The following TMEM45A variants were observed in gnomAD, a reference collection of about 807,000 sequenced individuals.
TMEM45A encodes the protein transmembrane protein 45A, also known as DNA polymerase-transactivated protein 4.
TMEM45A carries 25 observed loss-of-function variants against 32.0 expected under a neutral mutation model. The ratio of observed to expected loss-of-function variants is 0.78; its 90% confidence interval spans 0.57 to 1.09. The LOEUF (loss-of-function observed/expected upper bound fraction) is 1.09. Ranked by LOEUF, TMEM45A falls within the 50% of genes least tolerant of loss-of-function variation. The probability of loss-of-function intolerance (pLI) is 0.00; values close to 1 mark genes in which losing one functional copy is unlikely to be tolerated. For synonymous variants in TMEM45A, 122 were observed against 114.8 expected, an observed-to-expected ratio of 1.06 and a Z score of -0.40; for missense variants, 302 against 325.0, an observed-to-expected ratio of 0.93 and a Z score of 0.54.
At chr3:100,498,563 G>A (rs540569548) in intron 1 of TMEM45A, among the ~76,000 whole-genome samples, 1 of 152,114 alleles carries the variant, frequency 6.6e-6, no homozygotes, top group Admixed American at 6.6e-5. Context: ...AAATCAATCT[G>A]TCCATGTATG....
intron 1 of TMEM45A, among the ~76,000 whole-genome samples, chr3:100,496,569 T>G (rs189965810): frequency 6.6e-6 from 1 of 152,314 alleles, no homozygotes; most frequent in African/African-American, 2.4e-5. Context: ...GGAAGGAAGA[T>G]CATTGGAGAA....
intron 4 of TMEM45A, among the ~76,000 whole-genome samples, chr3:100,560,222 G>T (rs1706305520): frequency 6.8e-6 from 1 of 146,958 alleles, no homozygotes; most frequent in Non-Finnish European, 1.5e-5. Context: ...TTCATTTTTT[G>T]CTTTGTTGTA....
chr3:100,533,030 G>A (rs1705673419), intron 1 of TMEM45A, among the ~76,000 whole-genome samples: 1 of 152,090 alleles, frequency 6.6e-6, no homozygotes, highest in Non-Finnish European at 1.5e-5. Context: ...TATCTTTAAA[G>A]TGGGGATAAT....
At chr3:100,545,529 C>G (rs1705964909) in intron 1 of TMEM45A, among the ~76,000 whole-genome samples, 1 of 152,156 alleles carries the variant, frequency 6.6e-6, no homozygotes, top group African/African-American at 2.4e-5. Context: ...TTTATTTATG[C>G]TCTTCCTTAT....
At chr3:100,544,972 T>C (rs1197657136) in intron 1 of TMEM45A, among the ~76,000 whole-genome samples, 1 of 152,216 alleles carries the variant, frequency 6.6e-6, no homozygotes, top group Non-Finnish European at 1.5e-5. Context: ...GAGTTCTAGC[T>C]GGTCCACATC....
At chr3:100,569,018 A>G (rs1361187757) in intron 5 of TMEM45A, 51 bp downstream of exon 5, 4 of 1,552,384 alleles carry the variant, frequency 2.6e-6, no homozygotes, top group East Asian at 4.5e-5. Flanking sequence ...GTATGTGATT[A>G]TCAAGACTCA....
At chr3:100,527,410 C>T (rs768090058) in intron 1 of TMEM45A, among the ~76,000 whole-genome samples, 3 of 152,132 alleles carry the variant, frequency 2.0e-5, no homozygotes, top group Non-Finnish European at 4.4e-5. Context: ...TCATGATAGT[C>T]CTTCTTACTT....
chr3:100,506,542 A>G (rs1443457850), intron 1 of TMEM45A, among the ~76,000 whole-genome samples: 2 of 152,224 alleles, frequency 1.3e-5, no homozygotes, highest in African/African-American at 4.8e-5. Flanking sequence ...TTTTATACAT[A>G]ACAATCTAGA....
chr3:100,560,445 A>G (rs1016733983), intron 4 of TMEM45A, among the ~76,000 whole-genome samples: 1 of 151,984 alleles, frequency 6.6e-6, no homozygotes, highest in Non-Finnish European at 1.5e-5. Context: ...GTAATTTTGA[A>G]TGTTATTTCC....
intron 1 of TMEM45A, among the ~76,000 whole-genome samples, chr3:100,506,700 T>C (rs1228129252): frequency 6.6e-6 from 1 of 152,228 alleles, no homozygotes; most frequent in African/African-American, 2.4e-5. Flanking sequence ...TAGATTCAGC[T>C]AAGATATTGG....
rs897011277 is a variant in TMEM45A, at chr3:100,538,204, G to A, written c.-3-17005G>A. Among the ~76,000 whole-genome samples the A allele has an allele frequency of 5.9e-5, 9 of 152,298 alleles. No individual in the cohort carries two copies. In the East Asian group the frequency reaches 1.7e-3, roughly 29 times the overall value. ...TAAGGGCTCTCAGAGGCAGAGAGAT[G>A]TATATCCCTATCATATCCCATCTTT... On this transcript the variant is annotated intron_variant, in intron 1 of 5. Coordinates refer to ENST00000323523, the MANE Select transcript of TMEM45A (RefSeq NM_018004.3).
chr3:100,529,550 T>C (rs543210001), intron 1 of TMEM45A, among the ~76,000 whole-genome samples: 13 of 152,322 alleles, frequency 8.5e-5, no homozygotes, highest in African/African-American at 3.1e-4. Context: ...CCTCCAAGAC[T>C]AGACCTTTGG....
Position 100,577,346 on chromosome 3 carries a change from T to C in TMEM45A, c.*328T>C, listed in dbSNP as rs182793713. On this transcript the variant is annotated 3_prime_UTR_variant, in exon 6 of 6. Coordinates refer to ENST00000323523, the MANE Select transcript of TMEM45A (RefSeq NM_018004.3). ...GCCTTATAGATATGCTCAAGGTTAC[T>C]GGGCTTGCTACTATTTGTAACTCCT... 1 of 201,880 alleles carries C rather than the reference T, an allele frequency of 5.0e-6. No individual in the cohort carries two copies. The highest frequency in any genetic ancestry group is 1.6e-4 in the East Asian group (1 of 6,308). 12.5% of individuals were successfully genotyped at this position (201,880 alleles called of 1,614,324 possible).
intron 1 of TMEM45A, among the ~76,000 whole-genome samples, chr3:100,497,967 C>G (rs1707954420): frequency 6.6e-6 from 1 of 152,134 alleles, no homozygotes; most frequent in Non-Finnish European, 1.5e-5. Flanking sequence ...CCCACCCAAA[C>G]CTCATCTTAA....
intron 1 of TMEM45A, among the ~76,000 whole-genome samples, chr3:100,515,488 GGA>G (rs1194094971): frequency 6.9e-4 from 76 of 110,712 alleles, no homozygotes; most frequent in African/African-American, 2.6e-3. Context: ...TGGGGTGGGG[GGA>G]GGGGGGAGGG....
At chr3:100,558,729 T>C in intron 4 of TMEM45A, 140 bp downstream of exon 4, 1 of 900,268 alleles carries the variant, frequency 1.1e-6, no homozygotes, top group Non-Finnish European at 1.7e-6. Context: ...GAAGTGATGT[T>C]TCTTTGAGTG....
chr3:100,542,247 A>T (rs907967365), intron 1 of TMEM45A, among the ~76,000 whole-genome samples: 1 of 152,190 alleles, frequency 6.6e-6, no homozygotes, highest in Non-Finnish European at 1.5e-5. Flanking sequence ...TTTGGGAAGT[A>T]TGGCCATTTT....
chr3:100,502,971 T>TCTCCTTCTCCTCTTC (rs1708026245), intron 1 of TMEM45A, among the ~76,000 whole-genome samples: 1 of 151,324 alleles, frequency 6.6e-6, no homozygotes, highest in African/African-American at 2.4e-5. Flanking sequence ...TTCTCCTCCT[T>TCTCCTTCTCCTCTTC]CTCCTTCTCC....
At chr3:100,524,002 A>G (rs948760072) in intron 1 of TMEM45A, among the ~76,000 whole-genome samples, 1 of 152,244 alleles carries the variant, frequency 6.6e-6, no homozygotes, top group African/African-American at 2.4e-5. Flanking sequence ...TGAAATAAGG[A>G]TCACTTAAGG....
Sources: gnomAD v4.1 joint callset for allele counts (sites outside exome capture counted in the v4.1 genomes callset) on GRCh38, gnomAD v4.1.1 for gene constraint, MANE v1.5 for transcripts, NCBI Gene and HGNC (gene_info 2026-07-23, HGNC 2026-07-21) for gene names.